Variants in BIRC6 observed in about 807,000 individuals in gnomAD.
BIRC6 encodes baculoviral IAP repeat containing 6, also known as dual E2 ubiquitin-conjugating enzyme/E3 ubiquitin-protein ligase BIRC6.
BIRC6 carries 98 observed loss-of-function variants against 503.3 expected under a neutral mutation model. That is an observed-to-expected ratio of 0.19 (90% CI 0.17 to 0.23). BIRC6 has a LOEUF of 0.23. Ranked by LOEUF, BIRC6 falls within the 10% of genes least tolerant of loss-of-function variation. The pLI is 1.00. For missense variants in BIRC6, 5,360 were observed against 5,806.0 expected, an observed-to-expected ratio of 0.92 and a Z score of 2.50; for synonymous variants, 2,240 against 2,078.7, an observed-to-expected ratio of 1.08 and a Z score of -2.11.
intron 10 of BIRC6, among the ~76,000 whole-genome samples, chr2:32,422,491 AC>A (rs1259190965): frequency 6.6e-6 from 1 of 151,866 alleles, no homozygotes; most frequent in African/African-American, 2.4e-5. Flanking sequence ...CTACTGTCAA[AC>A]CAAGAACTAA....
chr2:32,460,227 A>ATG (rs1403865037), intron 23 of BIRC6, among the ~76,000 whole-genome samples: 2 of 118,868 alleles, frequency 1.7e-5, no homozygotes, highest in African/African-American at 3.2e-5. Context: ...TATATCTCAT[A>ATG]TGATATATCT....
At chr2:32,598,740 T>C (rs1354360953) in intron 69 of BIRC6, among the ~76,000 whole-genome samples, 1 of 152,152 alleles carries the variant, frequency 6.6e-6, no homozygotes. Flanking sequence ...TTGCTTCTTT[T>C]GATTTTTTGG....
intron 1 of BIRC6, among the ~76,000 whole-genome samples, chr2:32,362,843 A>G (rs2034335202): frequency 6.6e-6 from 1 of 152,082 alleles, no homozygotes; most frequent in Non-Finnish European, 1.5e-5. Context: ...TAATTTTTAA[A>G]CACCTGTCTA....
At chr2:32,469,319 G>A in intron 29 of BIRC6, 76 bp from the exon 30 acceptor site, 1 of 1,060,938 alleles carries the variant, frequency 9.4e-7, no homozygotes, top group East Asian at 2.6e-5. Context: ...AGAGGAAAGT[G>A]TATTTAGGCA....
intron 65 of BIRC6, among the ~76,000 whole-genome samples, chr2:32,573,170 C>T (rs1159931413): frequency 1.3e-5 from 2 of 152,112 alleles, no homozygotes; most frequent in African/African-American, 4.8e-5. Flanking sequence ...TTATTCCCAG[C>T]CTGTCCAGCA....
chr2:32,400,554 G>A (rs2040493540), intron 6 of BIRC6, among the ~76,000 whole-genome samples: 1 of 151,926 alleles, frequency 6.6e-6, no homozygotes, highest in Non-Finnish European at 1.5e-5. Context: ...GGTCAGGCTG[G>A]CGTCGAACTC....
chr2:32,608,519 A>AT (rs1366723699), intron 72 of BIRC6, among the ~76,000 whole-genome samples: 1 of 151,868 alleles, frequency 6.6e-6, no homozygotes, highest in East Asian at 1.9e-4. Context: ...AGTTCAAGCT[A>AT]TTCTCCTGCC....
chr2:32,452,350 T>G (rs1419258474), intron 22 of BIRC6, among the ~76,000 whole-genome samples: 1 of 152,182 alleles, frequency 6.6e-6, no homozygotes, highest in East Asian at 1.9e-4. Flanking sequence ...ATTATGCTAT[T>G]TTAACATTTA....
intron 65 of BIRC6, among the ~76,000 whole-genome samples, chr2:32,562,576 A>G (rs1223562600): frequency 6.6e-6 from 1 of 152,196 alleles, no homozygotes; most frequent in Non-Finnish European, 1.5e-5. Context: ...TTACTGCCCT[A>G]AGAAATTCTA....
chr2:32,582,630 T>C (rs1381762677), intron 66 of BIRC6, among the ~76,000 whole-genome samples: 1 of 152,058 alleles, frequency 6.6e-6, no homozygotes, highest in Non-Finnish European at 1.5e-5. Flanking sequence ...CTGCGTGTGG[T>C]GGCACGCACC....
chr2:32,569,217 G>C (rs1448505906), intron 65 of BIRC6, among the ~76,000 whole-genome samples: 1 of 151,994 alleles, frequency 6.6e-6, no homozygotes, highest in Non-Finnish European at 1.5e-5. Context: ...TTGAACTTCT[G>C]GCCCCTAGTG....
At position 32,618,075 on chromosome 2, in the gene BIRC6, A is replaced by G. The variant is rs1316072800; in HGVS notation, c.*171A>G. 1 of 587,944 alleles carries G rather than the reference A, an allele frequency of 1.7e-6. No individual in the cohort carries two copies. The highest frequency in any genetic ancestry group is 1.8e-5 in the African/African-American group (1 of 54,444). The allele number at this position is 587,944 out of a possible 1,614,324, so 36.4% of individuals were successfully genotyped here. A position where few individuals can be genotyped will look rare whatever the true frequency, so the allele number is the denominator to read the frequency against. Reference sequence around the variant, plus strand: ...GTGATCTTTTATTTACCTGTACAGGAGTGTAAACTTTTTTGTGCTTTTATT... The same window carrying G: ...GTGATCTTTTATTTACCTGTACAGGGGTGTAAACTTTTTTGTGCTTTTATT... On this transcript the variant is annotated 3_prime_UTR_variant, in exon 74 of 74. Coordinates refer to ENST00000421745, the MANE Select transcript of BIRC6 (RefSeq NM_016252.4).
intron 65 of BIRC6, among the ~76,000 whole-genome samples, chr2:32,571,219 A>G (rs1160694595): frequency 1.3e-5 from 2 of 151,716 alleles, no homozygotes; most frequent in Admixed American, 6.6e-5. Flanking sequence ...TGCTTTTATT[A>G]TATCTTTGCC....
At chr2:32,469,133 A>C (rs1427261004) in intron 29 of BIRC6, among the ~76,000 whole-genome samples, 1 of 152,208 alleles carries the variant, frequency 6.6e-6, no homozygotes, top group African/African-American at 2.4e-5. Flanking sequence ...TGATCATTAC[A>C]CGAGCTCACA....
At chr2:32,396,208 G>A (rs2039863432) in intron 6 of BIRC6, among the ~76,000 whole-genome samples, 3 of 152,062 alleles carry the variant, frequency 2.0e-5, no homozygotes, top group African/African-American at 7.2e-5. Flanking sequence ...CTGTGAAGTA[G>A]GTACTATTGT....
intron 66 of BIRC6, among the ~76,000 whole-genome samples, chr2:32,585,509 A>G (rs2060968473): frequency 4.0e-5 from 6 of 151,854 alleles, no homozygotes; most frequent in Admixed American, 3.3e-4. Context: ...CCTCCTGAGT[A>G]GCTGGGACTA....
At chr2:32,496,030 A>ACGGG (rs1473915954) in intron 45 of BIRC6, among the ~76,000 whole-genome samples, 1 of 151,572 alleles carries the variant, frequency 6.6e-6, no homozygotes, top group Non-Finnish European at 1.5e-5. Context: ...TTTAGTAGAG[A>ACGGG]CGGGGTTTCA....
At chr2:32,603,120 TAAAG>T in intron 71 of BIRC6, 37 bp downstream of exon 71, 3 of 1,551,526 alleles carry the variant, frequency 1.9e-6, no homozygotes, top group Non-Finnish European at 2.6e-6. Context: ...ACTTAAGAAA[TAAAG>T]AACTGTGTAG....
chr2:32,435,364 T>G, intron 13 of BIRC6, 132 bp from the exon 14 acceptor site: 1 of 1,004,230 alleles, frequency 1.0e-6, no homozygotes, highest in Non-Finnish European at 1.4e-6. Context: ...TCACAGAAGT[T>G]CCCAAGTTAA....
Sources: allele counts gnomAD v4.1 joint callset (sites outside exome capture counted in the v4.1 genomes callset), GRCh38; gene constraint gnomAD v4.1.1; transcripts MANE v1.5; gene names NCBI Gene and HGNC (gene_info 2026-07-23, HGNC 2026-07-21).